RMC1: variants seen among roughly 807,000 people sequenced by gnomAD.
The protein encoded by RMC1 is regulator of MON1-CCZ1.
In RMC1, 44 loss-of-function variants were observed where a neutral mutation model predicts 95.5. The ratio of observed to expected loss-of-function variants is 0.46; its 90% CI spans 0.36 to 0.59. The LOEUF is 0.59. Ranked by LOEUF, RMC1 falls within the 20% of genes least tolerant of loss-of-function variation. The pLI is 0.00. For synonymous variants in RMC1, 320 were observed against 303.6 expected (o/e 1.05, Z -0.56); for missense variants, 705 against 819.6 (o/e 0.86, Z 1.71).
intron 5 of RMC1, among the ~76,000 whole-genome samples, chr18:23,511,586 T>C (rs538236769): frequency 1.9e-4 from 29 of 152,318 alleles, no homozygotes; most frequent in African/African-American, 6.3e-4. Context: ...TTCCTCTATT[T>C]TTAAAAATAA....
intron 5 of RMC1, among the ~76,000 whole-genome samples, chr18:23,514,863 G>A (rs544208069): frequency 4.6e-5 from 7 of 152,238 alleles, no homozygotes; most frequent in African/African-American, 1.4e-4. Flanking sequence ...CCTGACTTGC[G>A]CAGCAGTTCT....
chr18:23,530,043 C>T lies in RMC1; in HGVS notation c.1510C>T (p.Leu504Phe), dbSNP rs765549598. ...TTGTCCTCAGCATTACCTACATGAA[C>T]TTGTTATCAAAACCCTTGTCCAGCA... ...QIAVQHYLHE[L>F]VIKTLVQHNL... Residue 504 changes from leucine to phenylalanine, a missense_variant, in exon 17 of 20, where the codon CTT becomes TTT. Transcript: ENST00000269221. 1.9e-6 allele frequency: 3 copies of T among 1,614,022 alleles called. No individual in the cohort carries two copies. The highest frequency in any genetic ancestry group is 8.5e-7 in the Non-Finnish European group (1 of 1,179,874).
intron 2 of RMC1, among the ~76,000 whole-genome samples, chr18:23,505,866 A>T (rs1188127844): frequency 6.6e-6 from 1 of 152,130 alleles, no homozygotes. Flanking sequence ...TACTGAATTT[A>T]ACTTAAAAAG....
At chr18:23,527,182 G>A (rs902339119) in intron 13 of RMC1, among the ~76,000 whole-genome samples, 2 of 131,178 alleles carry the variant, frequency 1.5e-5, no homozygotes, top group Non-Finnish European at 3.0e-5. Context: ...CTAGGAGTTC[G>A]AGACCAGCCT....
Position 23,530,048 on chromosome 18 carries a change from T to C in RMC1, c.1515T>C (p.Val505=), listed in dbSNP as rs145349229. Reference sequence around the variant, plus strand: ...CTCAGCATTACCTACATGAACTTGTTATCAAAACCCTTGTCCAGCACAACC... The same window carrying C: ...CTCAGCATTACCTACATGAACTTGTCATCAAAACCCTTGTCCAGCACAACC... ...IAVQHYLHEL[V]IKTLVQHNLF... is the part of the protein sequence containing the mutation. Residue 505 remains valine (V), a synonymous_variant, in exon 17 of 20, where the codon GTT becomes GTC. Coordinates refer to ENST00000269221, the MANE Select transcript of RMC1 (RefSeq NM_013326.5). 5.0e-6 allele frequency: 8 copies of C among 1,614,188 alleles called. No homozygotes were observed. The highest frequency in any genetic ancestry group is 6.8e-6 in the Non-Finnish European group (8 of 1,179,986).
intron 1 of RMC1, 108 bp downstream of exon 1, chr18:23,503,828 G>A (rs2057651258): frequency 3.2e-6 from 3 of 940,232 alleles, no homozygotes; most frequent in Non-Finnish European, 4.4e-6. Flanking sequence ...GTCCTGTCCC[G>A]TCCCGTCCCA....
intron 19 of RMC1, 81 bp downstream of exon 19, chr18:23,530,693 C>G: frequency 7.5e-7 from 1 of 1,340,720 alleles, no homozygotes. Context: ...GGGCGAGGAC[C>G]CTGGGTTAGC....
At chr18:23,515,753 G>C (rs1215855519) in intron 5 of RMC1, 103 bp from the exon 6 acceptor site, 4 of 1,387,458 alleles carry the variant, frequency 2.9e-6, no homozygotes, top group Non-Finnish European at 4.0e-6. Flanking sequence ...GGCTGGTCTC[G>C]AACTCCTGAC....
chr18:23,518,819 C>T (rs576491412), intron 7 of RMC1, 71 bp from the exon 8 acceptor site: 65 of 1,368,876 alleles, frequency 4.7e-5, no homozygotes, highest in African/African-American at 2.9e-5. Flanking sequence ...TTTACTTAAC[C>T]GTGATGCCAT....
chr18:23,521,859 T>C (rs1370277126), intron 10 of RMC1, among the ~76,000 whole-genome samples: 1 of 152,230 alleles, frequency 6.6e-6, no homozygotes, highest in African/African-American at 2.4e-5. Context: ...GTCTTTCTTC[T>C]GTGCCTGTCC....
chr18:23,527,352 G>A (rs1026553354), intron 13 of RMC1, among the ~76,000 whole-genome samples: 1 of 151,920 alleles, frequency 6.6e-6, no homozygotes, highest in African/African-American at 2.4e-5. Context: ...CGAGCCGTTT[G>A]TGTCAGTGTA....
intron 2 of RMC1, among the ~76,000 whole-genome samples, chr18:23,505,994 C>T (rs566022685): frequency 8.6e-5 from 13 of 152,044 alleles, no homozygotes; most frequent in African/African-American, 3.1e-4. Context: ...TGGTGAAACC[C>T]TGTCTCTACT....
At chr18:23,516,175 C>A in intron 6 of RMC1, 145 bp from the exon 7 acceptor site, 1 of 1,285,062 alleles carries the variant, frequency 7.8e-7, no homozygotes, top group Non-Finnish European at 1.1e-6. Context: ...CTATGCTGGG[C>A]AGACAGGCTG....
At chr18:23,524,275 C>G in intron 11 of RMC1, 101 bp downstream of exon 11, 1 of 1,510,000 alleles carries the variant, frequency 6.6e-7, no homozygotes, top group Non-Finnish European at 9.2e-7. Flanking sequence ...AATAACACTC[C>G]GAGAGCCACC....
At chr18:23,530,981 A>G (rs958602389) in intron 19 of RMC1, among the ~76,000 whole-genome samples, 1 of 152,068 alleles carries the variant, frequency 6.6e-6, no homozygotes, top group African/African-American at 2.4e-5. Flanking sequence ...TTTATGAAGT[A>G]TACATTGGTT....
intron 5 of RMC1, among the ~76,000 whole-genome samples, chr18:23,513,348 G>T (rs553635167): frequency 1.2e-4 from 19 of 152,316 alleles, no homozygotes; most frequent in Admixed American, 1.2e-3. Context: ...TTTCCTACAG[G>T]TTCCCCCATG....
chr18:23,524,284 C>G, intron 11 of RMC1, 110 bp downstream of exon 11: 2 of 1,498,366 alleles, frequency 1.3e-6, no homozygotes, highest in Non-Finnish European at 1.9e-6. Context: ...CCGAGAGCCA[C>G]CCCGCAGGCA....
Position 23,530,339 on chromosome 18 carries a change from C to A in RMC1, c.1668+42C>A, listed in dbSNP as rs756400703. On this transcript the variant is annotated intron_variant, in intron 18 of 19. Coordinates refer to ENST00000269221, the MANE Select transcript of RMC1 (RefSeq NM_013326.5). ...AGGTTTTAGACTATGGAAACTAACT[C>A]TGTTCCTGTTGTTTGCACTGACCTG... The A allele has an allele frequency of 3.7e-6, 6 of 1,613,988 alleles. No homozygotes were observed. In the Admixed American group the frequency reaches 5.0e-5, roughly 13 times the overall value.
rs189443942 is a variant in RMC1 at position 23,527,332 on chromosome 18, G to A, written c.1190-463G>A. On this transcript the variant is annotated intron_variant, in intron 13 of 19. Transcript: ENST00000269221. ...GAGGATTCCTTGAGCCCGGGAGGAC[G>A]AGGCTGCAGCGAGCCGTTTGTGTCA... is the stretch of plus-strand genomic sequence containing the variant. Among the ~76,000 whole-genome samples, 669 of 151,854 alleles carry A rather than the reference G, an allele frequency of 4.4e-3. 4 individuals are homozygous for A. The highest frequency in any genetic ancestry group is 0.015 in the African/African-American group (620 of 41,392).
Sources: gnomAD v4.1 joint callset for allele counts (sites outside exome capture counted in the v4.1 genomes callset) on GRCh38, gnomAD v4.1.1 for gene constraint, MANE v1.5 for transcripts, NCBI Gene and HGNC (gene_info 2026-07-23, HGNC 2026-07-21) for gene names.